MICAL2: variants seen among roughly 807,000 people sequenced by gnomAD.
MICAL2 encodes microtubule associated monooxygenase, calponin and LIM domain containing 2.
A neutral mutation model predicts 127.3 loss-of-function variants in MICAL2; 77 were observed. The observed-to-expected ratio is 0.60, with a 90% CI of 0.50 to 0.73. The LOEUF is 0.73. MICAL2 is among the 30% of genes least tolerant of loss of function. The pLI, the probability that MICAL2 is intolerant of heterozygous loss-of-function variation, is 0.00. For missense variants in MICAL2, 1,351 were observed against 1,434.4 expected (o/e 0.94, Z 0.94); for synonymous variants, 570 against 551.1 (o/e 1.03, Z -0.48).
intron 16 of MICAL2, among the ~76,000 whole-genome samples, chr11:12,238,491 C>T (rs1165490935): frequency 6.6e-6 from 1 of 152,126 alleles, no homozygotes; most frequent in African/African-American, 2.4e-5. Context: ...TGGTGTCCTT[C>T]CCCAAAGTCT....
intron 2 of MICAL2, among the ~76,000 whole-genome samples, chr11:12,150,061 T>C (rs908615762): frequency 6.6e-6 from 1 of 152,092 alleles, no homozygotes; most frequent in African/African-American, 2.4e-5. Context: ...TGTGGTGGTT[T>C]GATGGATGAG....
chr11:12,343,755 C>T (rs1426397444), intron 32 of MICAL2, among the ~76,000 whole-genome samples: 1 of 152,136 alleles, frequency 6.6e-6, no homozygotes, highest in Non-Finnish European at 1.5e-5. Flanking sequence ...GTGCATGTGG[C>T]AGATGGTATA....
At chr11:12,215,313 G>A (rs1856001548) in intron 7 of MICAL2, among the ~76,000 whole-genome samples, 1 of 152,174 alleles carries the variant, frequency 6.6e-6, no homozygotes, top group South Asian at 2.1e-4. Flanking sequence ...CTGCATTGAT[G>A]CCTGTTTCCT....
At chr11:12,289,235 C>T (rs891312719), downstream of MICAL2, among the ~76,000 whole-genome samples, 1 of 152,248 alleles carries the variant, frequency 6.6e-6, no homozygotes, top group Admixed American at 6.5e-5. Context: ...GCCTCCTTCG[C>T]ACAAAACAAC....
chr11:12,282,323 C>T (rs1445957811), intron 2 of MICAL2, among the ~76,000 whole-genome samples: 1 of 152,126 alleles, frequency 6.6e-6, no homozygotes, highest in Non-Finnish European at 1.5e-5. Context: ...CAGCTGGGTC[C>T]AGCCCCACCT....
chr11:12,129,636 C>CTTTTTTTTTTTTT (rs559528778), intron 1 of MICAL2, among the ~76,000 whole-genome samples: 5 of 97,420 alleles, frequency 5.1e-5, no homozygotes, highest in African/African-American at 1.4e-4. Context: ...TCTTCTTCTT[C>CTTTTTTTTTTTTT]TTTTTTTTTT....
At chr11:12,356,325 G>A (rs1939127886) in intron 34 of MICAL2, among the ~76,000 whole-genome samples, 1 of 152,178 alleles carries the variant, frequency 6.6e-6, no homozygotes, top group African/African-American at 2.4e-5. Flanking sequence ...TTAATCTGAT[G>A]CAATAACTTA....
intron 23 of MICAL2, chr11:12,256,489 C>G (rs1305121361): frequency 3.3e-6 from 1 of 300,322 alleles, no homozygotes; most frequent in Non-Finnish European, 6.2e-6. Flanking sequence ...CTCCGTCAGA[C>G]CAGGATCACT....
intron 18 of MICAL2, 118 bp downstream of exon 18, chr11:12,241,280 C>A: frequency 2.3e-6 from 3 of 1,318,850 alleles, no homozygotes; most frequent in Non-Finnish European, 2.1e-6. Flanking sequence ...ATTTTCTGGA[C>A]ACACCTTGAT....
In MICAL2 at chr11:12,208,117, TC is replaced by T; in HGVS notation, c.569del (p.Pro190LeufsTer61). ...NVEFVKVLEPPEDQENQKIGW... is the reference protein window; with the variant it reads ...NVEFVKVLEPXEDQENQKIGW... ...TGGAGTTCGTGAAGGTTCTAGAGCC[TC>T]CTGAAGATCAAGAAAATCAAAGTAC... is the stretch of plus-strand genomic sequence containing the variant. On this transcript the variant is annotated frameshift_variant, in exon 5 of 28. Transcript: ENST00000683283. LOFTEE classifies it high-confidence loss of function. The T allele has an allele frequency of 6.2e-7, 1 of 1,613,542 alleles. No individual in the cohort carries two copies. The highest frequency in any genetic ancestry group is 8.5e-7 in the Non-Finnish European group (1 of 1,179,450).
chr11:12,216,091 TAA>T, intron 7 of MICAL2, 126 bp from the exon 8 acceptor site: 1 of 690,174 alleles, frequency 1.4e-6, no homozygotes, highest in Non-Finnish European at 2.5e-6. Context: ...TTGTGTGCCT[TAA>T]AAACTGGTCT....
chr11:12,131,902 T>A (rs528360502), intron 1 of MICAL2, among the ~76,000 whole-genome samples: 2 of 152,310 alleles, frequency 1.3e-5, no homozygotes, highest in Admixed American at 1.3e-4. Context: ...TGCACACAGG[T>A]CCAGGCTCAT....
chr11:12,295,874 T>C (rs1219803963), downstream of MICAL2, among the ~76,000 whole-genome samples: 1 of 152,162 alleles, frequency 6.6e-6, no homozygotes. Context: ...TATATTTATA[T>C]TTTACATACG....
At chr11:12,179,573 C>T (rs535493543) in intron 3 of MICAL2, among the ~76,000 whole-genome samples, 4 of 152,276 alleles carry the variant, frequency 2.6e-5, no homozygotes, top group South Asian at 4.2e-4. Context: ...CCTGTCCTCC[C>T]GATCCACCTG....
At chr11:12,293,912 G>T (rs772579962), downstream of MICAL2, 1 of 1,612,384 alleles carries the variant, frequency 6.2e-7, no homozygotes, top group South Asian at 1.1e-5. Flanking sequence ...GAGTACTGGA[G>T]CCAGGAAGGA....
chr11:12,355,186 C>T (rs1158643773), intron 34 of MICAL2, among the ~76,000 whole-genome samples: 1 of 152,170 alleles, frequency 6.6e-6, no homozygotes, highest in African/African-American at 2.4e-5. Context: ...AAGTCCTGCC[C>T]TCTAGGAGTT....
At chr11:12,257,404 A>G (rs1472072128) in intron 24 of MICAL2, among the ~76,000 whole-genome samples, 2 of 152,266 alleles carry the variant, frequency 1.3e-5, no homozygotes, top group African/African-American at 2.4e-5. Context: ...AATAACCATC[A>G]TAATGATATT....
At chr11:12,267,212 G>A (rs1303849725), downstream of MICAL2, among the ~76,000 whole-genome samples, 1 of 152,116 alleles carries the variant, frequency 6.6e-6, no homozygotes, top group African/African-American at 2.4e-5. Flanking sequence ...GTCTCAGCAA[G>A]GAGGGGGCAT....
chr11:12,359,137 A>G (rs1939173206), downstream of MICAL2: 1 of 152,586 alleles, frequency 6.6e-6, no homozygotes, highest in Non-Finnish European at 1.5e-5. Flanking sequence ...CCTTAATTTT[A>G]TTTTAAGAAG....
Sources: allele counts gnomAD v4.1 joint callset (sites outside exome capture counted in the v4.1 genomes callset), GRCh38; gene constraint gnomAD v4.1.1; transcripts MANE v1.5; gene names NCBI Gene and HGNC (gene_info 2026-07-23, HGNC 2026-07-21).